The following RANBP3 variants were observed in gnomAD, a reference collection of about 807,000 sequenced individuals.
RANBP3 encodes RAN binding protein 3, also known as ran-binding protein 3.
RANBP3 carries 14 observed loss-of-function variants against 77.3 expected under a neutral mutation model. The observed-to-expected ratio is 0.18, with a 90% confidence interval of 0.12 to 0.28. The LOEUF is 0.28. RANBP3 is among the 10% of genes least tolerant of loss of function. The pLI is 1.00. For synonymous variants in RANBP3, 315 were observed against 312.4 expected (o/e 1.01, Z -0.09); for missense variants, 586 against 752.3 (o/e 0.78, Z 2.59).
rs1395369884 is a variant in RANBP3, at chr19:5,951,488, G to C, written c.187C>G (p.Leu63Val). Residue 63 changes from leucine (L) to valine (V), a missense_variant, in exon 3 of 17, where the codon CTA (leucine) becomes GTA (valine). Leu to Val is a conservative substitution (Grantham distance 32). Coordinates refer to ENST00000340578, the MANE Select transcript of RANBP3 (RefSeq NM_007322.3). The stretch of plus-strand genomic sequence containing the variant: ...GCGCCAGCAGGGGCAGGAGGTTCTA[G>C]GGCATGCTCGCCAGCTGACTCGGGG... ...GHPESAGEHA[L>V]EPPAPAGASA... 3.1e-6 allele frequency: 5 copies of C among 1,610,720 alleles called. No homozygotes were observed. The highest frequency in any genetic ancestry group is 1.1e-5 in the South Asian group (1 of 90,596).
chr19:5,950,060 A>G (rs2058255963), intron 3 of RANBP3, among the ~76,000 whole-genome samples: 2 of 152,158 alleles, frequency 1.3e-5, no homozygotes, highest in Non-Finnish European at 2.9e-5. Flanking sequence ...AAACCTGAGA[A>G]CACCATTTCC....
intron 5 of RANBP3, among the ~76,000 whole-genome samples, chr19:5,940,052 G>A (rs180998475): frequency 7.7e-4 from 118 of 152,344 alleles, no homozygotes; most frequent in African/African-American, 2.5e-3. Flanking sequence ...AGTGGAATTC[G>A]TAGGGGAAGA....
chr19:5,934,537 A>G lies in RANBP3; in HGVS notation c.407-1058T>C, dbSNP rs558985088. ...GGAATACATTTCACAAGATAAAACT[A>G]TAAAACAATGTTAGGGCCGGGTGCA... On this transcript the variant is annotated intron_variant, in intron 5 of 16. Transcript: ENST00000340578. 2.0e-5 allele frequency: 3 copies of G among 152,378 alleles called. No homozygotes were observed. In the South Asian group the frequency reaches 6.2e-4, roughly 32 times the overall value. 9.4% of individuals were successfully genotyped at this position (152,378 alleles called of 1,614,324 possible).
chr19:5,938,551 G>A (rs2145123700), intron 5 of RANBP3, among the ~76,000 whole-genome samples: 2 of 152,162 alleles, frequency 1.3e-5, no homozygotes, highest in Middle Eastern at 6.8e-3. Flanking sequence ...CATTAGCTGG[G>A]CATGGTGGCA....
intron 9 of RANBP3, among the ~76,000 whole-genome samples, chr19:5,926,047 C>A (rs1006579922): frequency 6.6e-6 from 1 of 152,184 alleles, no homozygotes; most frequent in African/African-American, 2.4e-5. Flanking sequence ...ATGCTTCATA[C>A]CAATAACACA....
At chr19:5,947,114 G>C (rs1292412427) in intron 3 of RANBP3, among the ~76,000 whole-genome samples, 7 of 152,126 alleles carry the variant, frequency 4.6e-5, no homozygotes, top group African/African-American at 1.4e-4. Flanking sequence ...AGGGGTTCGA[G>C]ACCAGCCTGG....
At chr19:5,938,911 G>A (rs2058098943) in intron 5 of RANBP3, among the ~76,000 whole-genome samples, 1 of 151,992 alleles carries the variant, frequency 6.6e-6, no homozygotes, top group Non-Finnish European at 1.5e-5. Flanking sequence ...TGGGCCAGGT[G>A]CGGTGGCTCA....
rs150360894 is a variant in RANBP3 at position 5,952,779 on chromosome 19, A to C, written c.79-1183T>G. Reference sequence around the variant, plus strand: ...ACAAATTCCTAGGAAAGCAAAAGCAATCTTCACTCAAAAGTAATCAAGGGG... The same window carrying C: ...ACAAATTCCTAGGAAAGCAAAAGCACTCTTCACTCAAAAGTAATCAAGGGG... On this transcript the variant is annotated intron_variant, in intron 2 of 16. Coordinates refer to ENST00000340578, the MANE Select transcript of RANBP3 (RefSeq NM_007322.3). The surrounding 1 kb of genome is among the most constrained non-coding windows in gnomAD (Gnocchi z 4.1). 1.3e-5 allele frequency among the ~76,000 whole-genome samples: 2 copies of C among 152,298 alleles called. No individual in the cohort carries two copies. The highest frequency in any genetic ancestry group is 3.9e-4 in the East Asian group (2 of 5,174).
intron 1 of RANBP3, among the ~76,000 whole-genome samples, chr19:5,970,985 T>C (rs1316877532): frequency 2.0e-5 from 3 of 152,160 alleles, no homozygotes; most frequent in Non-Finnish European, 2.9e-5. Context: ...ATTCTCCCGA[T>C]GTTGGCAAGG....
chr19:5,952,369 C>T lies in RANBP3; in HGVS notation c.79-773G>A, dbSNP rs373945448. On this transcript the variant is annotated intron_variant, in intron 2 of 16. Transcript: ENST00000340578. The surrounding 1 kb of genome is among the most constrained non-coding windows in gnomAD (Gnocchi z 4.1). ...GGAAAGCTGCCAAGGTGAGAGCAGC[C>T]GGTTCCAGAAGTCTTCCTCCCCACA... 2.1e-4 allele frequency among the ~76,000 whole-genome samples: 32 copies of T among 152,278 alleles called. No homozygotes were observed. Among genetic ancestry groups the T allele is most frequent in the African/African-American group, 7.0e-4 (29 of 41,550 alleles).
chr19:5,963,456 TG>T (rs1312953892), intron 1 of RANBP3, among the ~76,000 whole-genome samples: 1 of 151,878 alleles, frequency 6.6e-6, no homozygotes, highest in African/African-American at 2.4e-5. Context: ...GAGGCCGAGG[TG>T]GGAGGACTGC....
intron 9 of RANBP3, among the ~76,000 whole-genome samples, chr19:5,926,324 G>C (rs941524951): frequency 1.3e-5 from 2 of 152,044 alleles, no homozygotes; most frequent in Non-Finnish European, 2.9e-5. Flanking sequence ...AGGCGGCGGG[G>C]AATCACTTGA....
chr19:5,935,872 T>C (rs1181179560), intron 5 of RANBP3: 3 of 453,736 alleles, frequency 6.6e-6, no homozygotes, highest in Non-Finnish European at 1.3e-5. Context: ...AGCTGCTGAA[T>C]CATGGCCAGA....
At chr19:5,942,147 C>T (rs1210094418) in intron 3 of RANBP3, among the ~76,000 whole-genome samples, 2 of 152,148 alleles carry the variant, frequency 1.3e-5, no homozygotes, top group East Asian at 1.9e-4. Context: ...CAAACACAGC[C>T]GAACCTCATC....
Position 5,941,853 on chromosome 19 carries a change from C to T in RANBP3, c.283-18G>A, listed in dbSNP as rs537315583. On this transcript the variant is annotated intron_variant, in intron 3 of 16. Coordinates refer to ENST00000340578, the MANE Select transcript of RANBP3 (RefSeq NM_007322.3). ...GCTGACCTCTGAAACAAGGAGCACA[C>T]AGCCGGGGTCAGAGGGCATCAGGCT... 403 of 1,611,988 alleles carry T rather than the reference C, an allele frequency of 2.5e-4. 1 individual carries two copies. The highest frequency in any genetic ancestry group is 3.3e-4 in the Non-Finnish European group (384 of 1,180,038).
chr19:5,938,736 T>C (rs1026666063), intron 5 of RANBP3, among the ~76,000 whole-genome samples: 2 of 152,068 alleles, frequency 1.3e-5, no homozygotes, highest in Non-Finnish European at 2.9e-5. Flanking sequence ...AACATATTTA[T>C]CTAGGTAGGT....
In RANBP3 at chr19:5,959,429, C is replaced by A. The variant is rs2058373434; in HGVS notation, c.23-1456G>T. Among the ~76,000 whole-genome samples, 1 of 152,028 alleles carries A rather than the reference C, an allele frequency of 6.6e-6. No homozygotes were observed. The highest frequency in any genetic ancestry group is 2.4e-5 in the African/African-American group (1 of 41,380). On this transcript the variant is annotated intron_variant, in intron 1 of 16. Coordinates refer to ENST00000340578, the MANE Select transcript of RANBP3 (RefSeq NM_007322.3). The surrounding 1 kb of genome is among the most constrained non-coding windows in gnomAD (Gnocchi z 5.1). Reference sequence around the variant, plus strand: ...GGGCATCAGTCCACAGCCAGGCAGCCCACTGATGGTGACATTCCCCCCACC... The same window carrying A: ...GGGCATCAGTCCACAGCCAGGCAGCACACTGATGGTGACATTCCCCCCACC...
At chr19:5,963,719 C>G (rs913105935) in intron 1 of RANBP3, among the ~76,000 whole-genome samples, 1 of 152,216 alleles carries the variant, frequency 6.6e-6, no homozygotes, top group South Asian at 2.1e-4. Flanking sequence ...TTCTGAGCCC[C>G]TCTTCCTTGG....
Position 5,921,097 on chromosome 19 carries a change from A to G in RANBP3, c.1330+104T>C. On this transcript the variant is annotated intron_variant, in intron 14 of 16. Transcript: ENST00000340578. The surrounding 1 kb of genome is among the most constrained non-coding windows in gnomAD (Gnocchi z 5.3). ...ACCGACTCTGTGCCTTGACTCTCAC[A>G]AGGGTAGGGTCAGGATCTCCCCCGC... 1 of 1,405,078 alleles carries G rather than the reference A, an allele frequency of 7.1e-7. No individual in the cohort carries two copies. The highest frequency in any genetic ancestry group is 1.4e-5 in the South Asian group (1 of 72,178). 87.0% of individuals were successfully genotyped at this position (1,405,078 alleles called of 1,614,324 possible). A position where few individuals can be genotyped will look rare whatever the true frequency, so the allele number is the denominator to read the frequency against.
Sources: gnomAD v4.1 joint callset for allele counts (sites outside exome capture counted in the v4.1 genomes callset) on GRCh38, gnomAD v4.1.1 for gene constraint, Gnocchi (gnomAD v3.1) non-coding constraint, MANE v1.5 for transcripts, NCBI Gene and HGNC (gene_info 2026-07-23, HGNC 2026-07-21) for gene names.